WWTR1: variants seen among roughly 807,000 people sequenced by gnomAD.
WWTR1 encodes the protein WW domain-containing transcription regulator protein 1.
A neutral mutation model predicts 40.1 loss-of-function variants in WWTR1; 13 were observed. The observed-to-expected ratio is 0.32, with a 90% CI of 0.21 to 0.52. The LOEUF is 0.52. WWTR1 is among the 20% of genes least tolerant of loss of function. The pLI, the probability that WWTR1 is intolerant of heterozygous loss-of-function variation, is 0.97. For missense variants in WWTR1, 436 were observed against 523.1 expected (o/e 0.83, Z 1.63); for synonymous variants, 230 against 210.1 (o/e 1.09, Z -0.82).
At chr3:149,595,115 C>A (rs1167614356) in intron 2 of WWTR1, among the ~76,000 whole-genome samples, 1 of 151,692 alleles carries the variant, frequency 6.6e-6, no homozygotes, top group Non-Finnish European at 1.5e-5. Flanking sequence ...GCATGCACCA[C>A]CACGCCCAGC....
intron 2 of WWTR1, among the ~76,000 whole-genome samples, chr3:149,665,318 C>T (rs377328023): frequency 1.9e-4 from 28 of 151,226 alleles, no homozygotes; most frequent in Admixed American, 3.3e-4. Flanking sequence ...CTCCGCCTCC[C>T]GGGTTCAAGC....
chr3:149,643,877 C>T (rs1712334059), intron 2 of WWTR1, among the ~76,000 whole-genome samples: 1 of 152,114 alleles, frequency 6.6e-6, no homozygotes. Context: ...CTTCCACGCA[C>T]CACTCTCTGG....
At chr3:149,558,791 C>G (rs1736958728) in intron 3 of WWTR1, among the ~76,000 whole-genome samples, 1 of 152,160 alleles carries the variant, frequency 6.6e-6, no homozygotes, top group Non-Finnish European at 1.5e-5. Context: ...AACACAAGGA[C>G]CGAAGACTTG....
chr3:149,583,211 C>A (rs573067247), intron 2 of WWTR1, among the ~76,000 whole-genome samples: 61 of 152,300 alleles, frequency 4.0e-4, no homozygotes, highest in African/African-American at 1.3e-3. Context: ...TGTTATCCAC[C>A]CGCTTCGGCC....
At chr3:149,701,452 TCTCCACCGGCAG>T (rs1418705617) in intron 1 of WWTR1, among the ~76,000 whole-genome samples, 1 of 152,150 alleles carries the variant, frequency 6.6e-6, no homozygotes, top group African/African-American at 2.4e-5. Context: ...GACTTCCCAT[TCTCCACCGGCAG>T]CTCCAGTATC....
At position 149,582,369 on chromosome 3, in the gene WWTR1, C is replaced by T. The variant is rs545158076; in HGVS notation, c.432-9369G>A. Among the ~76,000 whole-genome samples the T allele has an allele frequency of 2.6e-5, 4 of 151,952 alleles. No homozygotes were observed. In the South Asian group the frequency reaches 8.3e-4, roughly 32 times the overall value. ...TAAAGAACTTTGGCTGCGTTGCAAA[C>T]AATTTTATTATTAGTACCAGCATTT... On this transcript the variant is annotated intron_variant, in intron 2 of 6. Coordinates refer to ENST00000360632, the MANE Select transcript of WWTR1 (RefSeq NM_015472.6).
At chr3:149,611,230 T>C (rs1301641583) in intron 2 of WWTR1, among the ~76,000 whole-genome samples, 1 of 152,030 alleles carries the variant, frequency 6.6e-6, no homozygotes, top group Non-Finnish European at 1.5e-5. Flanking sequence ...TAAGGCAAAA[T>C]GTACGCAGAA....
At chr3:149,713,114 A>G (rs1715518633) in intron 5 of WWTR1, among the ~76,000 whole-genome samples, 1 of 152,204 alleles carries the variant, frequency 6.6e-6, no homozygotes, top group Non-Finnish European at 1.5e-5. Flanking sequence ...TAATACTCAG[A>G]AAAGAAAAGG....
chr3:149,712,396 C>A (rs566041957), intron 5 of WWTR1, among the ~76,000 whole-genome samples: 30 of 152,264 alleles, frequency 2.0e-4, no homozygotes, highest in Admixed American at 3.9e-4. Flanking sequence ...AAAAAATTAT[C>A]ATTTCTCTAA....
chr3:149,625,280 G>A lies in WWTR1; in HGVS notation c.431+31596C>T, dbSNP rs372092086. Among the ~76,000 whole-genome samples the A allele has an allele frequency of 7.9e-5, 12 of 151,016 alleles. No individual in the cohort carries two copies. In the East Asian group the frequency reaches 1.0e-3, roughly 13 times the overall value. ...GGGACTATAGGCGCCCACCACGCCC[G>A]GCTAATTTTTTGTATTTTTAGTAGA... On this transcript the variant is annotated intron_variant, in intron 2 of 6. Transcript: ENST00000360632.
chr3:149,594,767 A>T (rs899984621), intron 2 of WWTR1, among the ~76,000 whole-genome samples: 3 of 151,786 alleles, frequency 2.0e-5, no homozygotes, highest in Admixed American at 2.0e-4. Context: ...TACAAAAGAC[A>T]TTTTTGGAAC....
intron 3 of WWTR1, among the ~76,000 whole-genome samples, chr3:149,571,685 G>C (rs556418050): frequency 6.6e-6 from 1 of 152,316 alleles, no homozygotes; most frequent in Admixed American, 6.5e-5. Context: ...TGAGGGAAGG[G>C]TGTCCAGGAA....
chr3:149,556,131 C>T (rs1330240754), intron 3 of WWTR1, among the ~76,000 whole-genome samples: 1 of 152,210 alleles, frequency 6.6e-6, no homozygotes, highest in Admixed American at 6.5e-5. Context: ...GTGGTGAGCA[C>T]TGTGGTTGGC....
intron 3 of WWTR1, among the ~76,000 whole-genome samples, chr3:149,550,495 A>T (rs187682212): frequency 4.0e-4 from 61 of 152,336 alleles, no homozygotes; most frequent in African/African-American, 1.4e-3. Context: ...ATGCTGGTCC[A>T]CTGTAACTCA....
chr3:149,629,950 G>A (rs1041644995), intron 2 of WWTR1, among the ~76,000 whole-genome samples: 4 of 152,012 alleles, frequency 2.6e-5, no homozygotes, highest in African/African-American at 7.2e-5. Context: ...TGACTCAAGC[G>A]ATCCTCCCAC....
intron 2 of WWTR1, among the ~76,000 whole-genome samples, chr3:149,628,873 A>G (rs1711498570): frequency 6.6e-6 from 1 of 151,914 alleles, no homozygotes; most frequent in Non-Finnish European, 1.5e-5. Flanking sequence ...TCCCAGGCTC[A>G]TGTGATCTTC....
At chr3:149,718,431 G>C (rs909360375) in intron 4 of WWTR1, among the ~76,000 whole-genome samples, 3 of 152,028 alleles carry the variant, frequency 2.0e-5, no homozygotes, top group African/African-American at 4.8e-5. Flanking sequence ...ATCTCACTTT[G>C]GTTCTTTTCA....
At chr3:149,605,179 C>T (rs1261006367) in intron 2 of WWTR1, among the ~76,000 whole-genome samples, 4 of 152,200 alleles carry the variant, frequency 2.6e-5, no homozygotes, top group Non-Finnish European at 5.9e-5. Context: ...GGCATTTGAA[C>T]TTTATCCTAA....
chr3:149,603,854 C>CAAAAAA (rs370980729), intron 2 of WWTR1, among the ~76,000 whole-genome samples: 9 of 83,280 alleles, frequency 1.1e-4, no homozygotes, highest in Non-Finnish European at 1.6e-4. Context: ...AGCGGCATAC[C>CAAAAAA]AAAAAAAAAA....
Sources: gnomAD v4.1 joint callset for allele counts (sites outside exome capture counted in the v4.1 genomes callset) on GRCh38, gnomAD v4.1.1 for gene constraint, MANE v1.5 for transcripts, NCBI Gene and HGNC (gene_info 2026-07-23, HGNC 2026-07-21) for gene names.